The following ZMIZ1 variants were observed in gnomAD, a reference collection of about 807,000 sequenced individuals.
ZMIZ1 encodes the protein zinc finger MIZ-type containing 1.
A neutral mutation model predicts 113.9 loss-of-function variants in ZMIZ1; 17 were observed. The observed-to-expected ratio is 0.15, with a 90% CI of 0.10 to 0.22. The LOEUF (loss-of-function observed/expected upper bound fraction) is 0.22, where lower values mean the gene tolerates loss of function less well. Ranked by LOEUF, ZMIZ1 falls within the 10% of genes least tolerant of loss-of-function variation. ZMIZ1 has a pLI of 1.00. For synonymous variants in ZMIZ1, 607 were observed against 603.1 expected (o/e 1.01, Z -0.09); for missense variants, 1,059 against 1,477.8 (o/e 0.72, Z 4.65).
chr10:79,307,423 A>C lies in ZMIZ1; in HGVS notation c.2687A>C (p.His896Pro). 1.3e-6 allele frequency: 2 copies of C among 1,592,068 alleles called. No homozygotes were observed. Among genetic ancestry groups the C allele is most frequent in the Non-Finnish European group, 1.7e-6 (2 of 1,168,938 alleles). The change falls in exon 23 of 25, where the codon CAT becomes CCT. Residue 896 changes from histidine to proline, a missense_variant. This residue lies in a region of ZMIZ1 where 225 missense variants were observed against 276.0 expected (regional missense o/e 0.82). Transcript: ENST00000334512. The part of the protein sequence containing the change: ...YSSQGNNYQG[H>P]GNFDFPHGNP... Reference sequence around the variant, plus strand: ...TTCCTAGGCAACAACTACCAAGGCCATGGCAACTTTGACTTCCCCCACGGG... The same window carrying C: ...TTCCTAGGCAACAACTACCAAGGCCCTGGCAACTTTGACTTCCCCCACGGG...
chr10:79,307,286 A>C (rs1214130928), intron 22 of ZMIZ1, 119 bp from the exon 23 acceptor site: 1 of 1,033,336 alleles, frequency 9.7e-7, no homozygotes, highest in East Asian at 2.5e-5. Context: ...GCTGTGACCT[A>C]CTACAGCCTC....
At chr10:79,221,959 C>T (rs1032794936) in intron 7 of ZMIZ1, among the ~76,000 whole-genome samples, 6 of 152,200 alleles carry the variant, frequency 3.9e-5, no homozygotes, top group African/African-American at 1.2e-4. Context: ...AAAGTCAAAA[C>T]GCAGAGAGAG....
chr10:79,230,097 G>C (rs1849335243), intron 7 of ZMIZ1, among the ~76,000 whole-genome samples: 1 of 152,134 alleles, frequency 6.6e-6, no homozygotes, highest in African/African-American at 2.4e-5. Flanking sequence ...AGGTTGCCCT[G>C]GGAGGCTCCG....
chr10:79,101,546 G>A (rs1406654685), intron 1 of ZMIZ1, among the ~76,000 whole-genome samples: 1 of 152,194 alleles, frequency 6.6e-6, no homozygotes, highest in Non-Finnish European at 1.5e-5. Flanking sequence ...CCTTGGCCCA[G>A]TGGATGTCTG....
intron 7 of ZMIZ1, among the ~76,000 whole-genome samples, chr10:79,221,058 A>G (rs111996370): frequency 0.1 from 15,949 of 152,120 alleles, 933 homozygotes; most frequent in South Asian, 0.17. Flanking sequence ...CTGTGTCTGC[A>G]TGCATGTTAT....
chr10:79,271,106 G>T (rs1851922672), intron 7 of ZMIZ1, among the ~76,000 whole-genome samples: 1 of 152,122 alleles, frequency 6.6e-6, no homozygotes. Context: ...GGGGGAAGGG[G>T]CCCTGTGCAA....
chr10:79,197,424 C>T (rs1261787949), intron 4 of ZMIZ1, among the ~76,000 whole-genome samples: 3 of 152,204 alleles, frequency 2.0e-5, no homozygotes, highest in South Asian at 2.1e-4. Flanking sequence ...CTCTCTGTGT[C>T]CTTGTCTTCC....
intron 7 of ZMIZ1, chr10:79,243,665 G>T: frequency 3.3e-6 from 1 of 300,556 alleles, no homozygotes. Flanking sequence ...GGAGTCGCTC[G>T]CCGCGGCCGC....
chr10:79,125,698 C>T (rs1226222586), intron 2 of ZMIZ1, among the ~76,000 whole-genome samples: 2 of 152,192 alleles, frequency 1.3e-5, no homozygotes, highest in African/African-American at 4.8e-5. Context: ...TGGGTGGGGC[C>T]ACAAGCGTGA....
At chr10:79,245,090 G>T (rs899750533) in intron 7 of ZMIZ1, among the ~76,000 whole-genome samples, 1 of 152,134 alleles carries the variant, frequency 6.6e-6, no homozygotes, top group African/African-American at 2.4e-5. Context: ...CCACCAAACG[G>T]CGATGCTTTG....
At chr10:79,263,096 C>G (rs1345954832) in intron 7 of ZMIZ1, among the ~76,000 whole-genome samples, 1 of 152,246 alleles carries the variant, frequency 6.6e-6, no homozygotes, top group African/African-American at 2.4e-5. Flanking sequence ...AGCACAGGGT[C>G]AGAAGGGAGC....
intron 18 of ZMIZ1, among the ~76,000 whole-genome samples, chr10:79,303,006 C>T (rs1055994416): frequency 1.3e-5 from 2 of 152,064 alleles, no homozygotes; most frequent in East Asian, 2.0e-4. Flanking sequence ...GGACTACAGG[C>T]GCCCACCACC....
intron 1 of ZMIZ1, among the ~76,000 whole-genome samples, chr10:79,089,468 TG>T (rs1477513602): frequency 3.9e-5 from 6 of 152,198 alleles, no homozygotes; most frequent in Non-Finnish European, 7.3e-5. Flanking sequence ...CTGGTACAAT[TG>T]AAGTCTTTGC....
chr10:79,256,236 TGGAG>T (rs1448087769), intron 7 of ZMIZ1, among the ~76,000 whole-genome samples: 4 of 152,218 alleles, frequency 2.6e-5, no homozygotes, highest in African/African-American at 4.8e-5. Flanking sequence ...GTGAATCTGA[TGGAG>T]GGAATTCTGG....
At chr10:79,240,636 A>ATTTT (rs1589466733) in intron 7 of ZMIZ1, among the ~76,000 whole-genome samples, 3 of 78,528 alleles carry the variant, frequency 3.8e-5, no homozygotes, top group African/African-American at 1.3e-4. Flanking sequence ...AAGAGTATTT[A>ATTTT]TCTTTTTTTT....
At chr10:79,265,468 CT>C (rs35682814) in intron 7 of ZMIZ1, among the ~76,000 whole-genome samples, 1,640 of 91,596 alleles carry the variant, frequency 0.018, 17 homozygotes, top group African/African-American at 0.054. Flanking sequence ...TTTTTCTTTT[CT>C]TTTTTTTTTT....
intron 7 of ZMIZ1, among the ~76,000 whole-genome samples, chr10:79,256,030 T>A (rs1482166956): frequency 6.6e-6 from 1 of 152,018 alleles, no homozygotes; most frequent in Non-Finnish European, 1.5e-5. Context: ...TGGCAGAGGG[T>A]CCCCACTGGG....
intron 7 of ZMIZ1, among the ~76,000 whole-genome samples, chr10:79,217,648 T>C (rs1308117897): frequency 6.6e-6 from 1 of 152,222 alleles, no homozygotes; most frequent in Non-Finnish European, 1.5e-5. Context: ...TCTCATGATG[T>C]GTTTCCATAA....
chr10:79,289,508 C>T (rs1356724623), intron 8 of ZMIZ1, among the ~76,000 whole-genome samples: 1 of 152,132 alleles, frequency 6.6e-6, no homozygotes, highest in African/African-American at 2.4e-5. Context: ...CCTGTGGACT[C>T]GGGGATACAG....
Sources: gnomAD v4.1 joint callset for allele counts (sites outside exome capture counted in the v4.1 genomes callset) on GRCh38, gnomAD v4.1.1 for gene constraint, gnomAD v4.1.1 regional missense constraint, MANE v1.5 for transcripts, NCBI Gene and HGNC (gene_info 2026-07-23, HGNC 2026-07-21) for gene names.